The following BRF1 variants were observed in gnomAD, a reference collection of about 807,000 sequenced individuals.
BRF1 encodes BRF1 general transcription factor IIIB subunit.
Under a neutral mutation model 81.7 loss-of-function variants are expected in BRF1, and 59 were observed. The ratio of observed to expected loss-of-function variants is 0.72; its 90% CI spans 0.59 to 0.90. The LOEUF (loss-of-function observed/expected upper bound fraction) is 0.90. Ranked by LOEUF, BRF1 falls within the 40% of genes least tolerant of loss-of-function variation. BRF1 has a pLI of 0.00. For missense variants in BRF1, 1,050 were observed against 936.3 expected (o/e 1.12, Z -1.58); for synonymous variants, 491 against 395.6 (o/e 1.24, Z -2.86).
At chr14:105,274,409 T>C (rs2056791902) in intron 2 of BRF1, among the ~76,000 whole-genome samples, 1 of 152,164 alleles carries the variant, frequency 6.6e-6, no homozygotes, top group South Asian at 2.1e-4. Flanking sequence ...GTCATTTCTT[T>C]TCTCAGTCTC....
intron 6 of BRF1, among the ~76,000 whole-genome samples, chr14:105,229,436 T>C (rs898531228): frequency 6.6e-5 from 10 of 152,168 alleles, no homozygotes; most frequent in Middle Eastern, 3.2e-3. Context: ...GCCTGCCGGG[T>C]AGAGTGGACT....
chr14:105,225,923 G>T lies in BRF1; in HGVS notation c.1048+146C>A. 2.5e-6 allele frequency: 2 copies of T among 800,132 alleles called. No homozygotes were observed. Among genetic ancestry groups the T allele is most frequent in the Non-Finnish European group, 3.9e-6 (2 of 517,358 alleles). The allele number at this position is 800,132 out of a possible 1,614,324, so 49.6% of individuals were successfully genotyped here. A position where few individuals can be genotyped will look rare whatever the true frequency, so the allele number is the denominator to read the frequency against. On this transcript the variant is annotated intron_variant, in intron 10 of 17. Transcript: ENST00000547530. ...AGCCTCCTAAAGTGCTGGGATTACA[G>T]GCGTGAGCCACCCTGCCCGGTGGTA...
At chr14:105,221,592 C>G in intron 11 of BRF1, 56 bp downstream of exon 11, 1 of 1,571,828 alleles carries the variant, frequency 6.4e-7, no homozygotes, top group Non-Finnish European at 8.6e-7. Context: ...GAGAGGCACA[C>G]GCCTGAAAGA....
intron 1 of BRF1, among the ~76,000 whole-genome samples, chr14:105,297,733 A>G (rs753663257): frequency 1.3e-5 from 2 of 151,722 alleles, no homozygotes; most frequent in Non-Finnish European, 2.9e-5. Flanking sequence ...GCAGTGGCTC[A>G]CGCTGGTAAA....
At chr14:105,302,513 A>G (rs2058071311), upstream of BRF1, among the ~76,000 whole-genome samples, 1 of 150,614 alleles carries the variant, frequency 6.6e-6, no homozygotes, top group Non-Finnish European at 1.5e-5. Context: ...CTATTTCATT[A>G]ATTTCTGCTC....
intron 12 of BRF1, 167 bp downstream of exon 12, chr14:105,219,902 G>GT: frequency 1.9e-6 from 1 of 512,854 alleles, no homozygotes; most frequent in Non-Finnish European, 3.2e-6. Context: ...AAGAGAGTGT[G>GT]GGGGGGGGTC....
Position 105,210,655 on chromosome 14 carries a change from C to T in BRF1, c.1997-67G>A, listed in dbSNP as rs587734330. On this transcript the variant is annotated intron_variant, in intron 17 of 17. Coordinates refer to ENST00000547530, the MANE Select transcript of BRF1 (RefSeq NM_001519.4). This position sits in a 1 kb window ranked among gnomAD's most constrained non-coding sequence, Gnocchi z 4.7. ...ACCCAGGAGCCCAGACCCCCCAACC[C>T]GCCCTGTTCCTGGTGCCCCCCTAGA... The T allele has an allele frequency of 2.2e-5, 35 of 1,561,326 alleles. No homozygotes were observed. Among genetic ancestry groups the T allele is most frequent in the East Asian group, 2.0e-4 (9 of 43,992 alleles).
upstream of BRF1, among the ~76,000 whole-genome samples, chr14:105,304,315 C>A (rs2058116515): frequency 6.6e-6 from 1 of 152,058 alleles, no homozygotes; most frequent in Admixed American, 6.6e-5. Flanking sequence ...CATGGTGAAA[C>A]CCATCTTTCC....
chr14:105,268,756 C>T (rs1385454907), intron 3 of BRF1, among the ~76,000 whole-genome samples: 1 of 152,210 alleles, frequency 6.6e-6, no homozygotes, highest in Non-Finnish European at 1.5e-5. Flanking sequence ...CTGCACAGGA[C>T]CCTCCACGTC....
intron 1 of BRF1, among the ~76,000 whole-genome samples, chr14:105,299,759 G>A (rs765213099): frequency 3.3e-5 from 5 of 152,214 alleles, no homozygotes; most frequent in African/African-American, 4.8e-5. Flanking sequence ...CCAAGTGCTG[G>A]TGAAGATGTG....
chr14:105,217,720 C>T lies in BRF1; in HGVS notation c.1596G>A (p.Lys532=), dbSNP rs1167043711. Residue 532 remains lysine (K), a synonymous_variant, in exon 15 of 18, where the codon AAG becomes AAA. Transcript: ENST00000547530. Reference sequence around the variant, plus strand: ...TATAATTGATCTTGCTGGAGATCTTCTTCTGCTCCAGCATCTTCTCGATGG... The same window carrying T: ...TATAATTGATCTTGCTGGAGATCTTTTTCTGCTCCAGCATCTTCTCGATGG... ...REAIEKMLEQ[K]KISSKINYSV... is the part of the protein sequence containing the mutation. 6.2e-7 allele frequency: 1 copy of T among 1,613,456 alleles called. No individual in the cohort carries two copies. Among genetic ancestry groups the T allele is most frequent in the Admixed American group, 1.7e-5 (1 of 60,024 alleles).
chr14:105,300,134 CAG>C (rs2057935975), intron 1 of BRF1, among the ~76,000 whole-genome samples: 1 of 152,264 alleles, frequency 6.6e-6, no homozygotes, highest in Admixed American at 6.5e-5. Context: ...ACTGCAGGCA[CAG>C]AGAGTGACAG....
At chr14:105,214,436 A>ATGGCTCAGCTGCCCACACCCCTGCG (rs1890693410) in intron 15 of BRF1, among the ~76,000 whole-genome samples, 2 of 126,128 alleles carry the variant, frequency 1.6e-5, no homozygotes, top group South Asian at 5.9e-4. Flanking sequence ...ACACCCATGC[A>ATGGCTCAGCTGCCCACACCCCTGCG]TGGCCCACCC....
At chr14:105,310,686 C>T (rs910238286) in intron 1 of BRF1, among the ~76,000 whole-genome samples, 37 of 152,078 alleles carry the variant, frequency 2.4e-4, no homozygotes, top group African/African-American at 7.7e-4. Context: ...AGATGGCGCC[C>T]GGCTCTCCAG....
At chr14:105,246,809 G>C in intron 5 of BRF1, 4 of 985,088 alleles carry the variant, frequency 4.1e-6, no homozygotes, top group Non-Finnish European at 4.8e-6. Flanking sequence ...TCTTTCTAAG[G>C]ATGAAAATTA....
Position 105,229,122 on chromosome 14 carries a change from T to C in BRF1, c.695-209A>G, listed in dbSNP as rs76066549. 3.2e-4 allele frequency among the ~76,000 whole-genome samples: 48 copies of C among 152,322 alleles called. No homozygotes were observed. In the East Asian group the frequency reaches 9.1e-3, roughly 29 times the overall value. On this transcript the variant is annotated intron_variant, in intron 6 of 17. Coordinates refer to ENST00000547530, the MANE Select transcript of BRF1 (RefSeq NM_001519.4). ...TATTGTGGGTGGCGGCTGCACCCAT[T>C]CCATTTTCAAATCAAGGAAAATTAA...
At chr14:105,273,005 A>G in intron 2 of BRF1, 111 bp from the exon 3 acceptor site, 1 of 1,263,968 alleles carries the variant, frequency 7.9e-7, no homozygotes. Flanking sequence ...TTTCCTTGTA[A>G]GTTTCTGAGC....
chr14:105,252,522 T>G lies in BRF1; in HGVS notation c.529A>C (p.Asn177His). Residue 177 changes from asparagine to histidine, a missense_variant, in exon 5 of 18, where the codon AAT becomes CAT. Physicochemically the swap from Asn to His is moderately conservative, Grantham distance 68. This residue lies in a region of BRF1 where 1,043 missense variants were observed against 915.4 expected (regional missense o/e 1.14). Transcript: ENST00000547530. ...AGATGCCTACCTATGGCCGGCGCAT[T>G]GATGCAGAGCTCTCTTGCCAAGAGA... ...FLLLARELCI[N>H]APAIDPCLYI... 1 of 1,613,786 alleles carries G rather than the reference T, an allele frequency of 6.2e-7. No homozygotes were observed. The highest frequency in any genetic ancestry group is 1.1e-5 in the South Asian group (1 of 91,058).
rs2140754195 is a variant in BRF1, at chr14:105,315,198, C to G, written c.-162+124G>C. On this transcript the variant is annotated intron_variant, in intron 1 of 17. Coordinates refer to the BRF1 transcript ENST00000327359. This position sits in a 1 kb window ranked among gnomAD's most constrained non-coding sequence, Gnocchi z 4.4. The stretch of plus-strand genomic sequence containing the variant: ...TTCGACGCGTGCAGCCGCCGCCCCC[C>G]CGCAGCTCCGGCAAGCGCGGCCCCA... 1 of 269,006 alleles carries G rather than the reference C, an allele frequency of 3.7e-6. No individual in the cohort carries two copies. The highest frequency in any genetic ancestry group is 5.9e-6 in the Non-Finnish European group (1 of 169,452). The allele number at this position is 269,006 out of a possible 1,614,324, so 16.7% of individuals were successfully genotyped here.
Sources: allele counts gnomAD v4.1 joint callset (sites outside exome capture counted in the v4.1 genomes callset), GRCh38; gene constraint gnomAD v4.1.1; regional missense constraint gnomAD v4.1.1; non-coding constraint Gnocchi (gnomAD v3.1); transcripts MANE v1.5; gene names NCBI Gene and HGNC (gene_info 2026-07-23, HGNC 2026-07-21).